The following MYH1 variants were observed in gnomAD, a reference collection of about 807,000 sequenced individuals.
MYH1 encodes the protein myosin-1.
In MYH1, 214 loss-of-function variants were observed where a neutral mutation model predicts 225.6. That is an observed-to-expected ratio of 0.95 (90% CI 0.85 to 1.06). The LOEUF is 1.06. Among genes scored for constraint, MYH1 ranks in the 50% least tolerant of loss-of-function variants. The pLI is 0.00. For missense variants in MYH1, 2,098 were observed against 2,344.2 expected (o/e 0.89, Z 2.17); for synonymous variants, 774 against 842.3 (o/e 0.92, Z 1.40).
Position 10,506,062 on chromosome 17 carries a change from G to A in MYH1, c.2006C>T (p.Thr669Ile). 1.2e-6 allele frequency: 2 copies of A among 1,614,220 alleles called. No individual in the cohort carries two copies. The highest frequency in any genetic ancestry group is 1.7e-6 in the Non-Finnish European group (2 of 1,180,034). The change falls in exon 18 of 40, where the codon ACT becomes ATT. Residue 669 changes from threonine to isoleucine, a missense_variant. Thr to Ile is a moderately conservative substitution (Grantham distance 89, BLOSUM62 -1). Transcript: ENST00000226207. ...LNKLMTNLRS[T>I]HPHFVRCIIP... ...GATGCACCGCACAAAGTGGGGGTGAGTGCTCCTCAAGTTGGTCATCAGCTT... is the reference window on the plus strand; with the variant it reads ...GATGCACCGCACAAAGTGGGGGTGAATGCTCCTCAAGTTGGTCATCAGCTT...
At chr17:10,512,574 T>A in intron 11 of MYH1, 28 bp from the exon 12 acceptor site, 2 of 1,613,942 alleles carry the variant, frequency 1.2e-6, no homozygotes, top group Middle Eastern at 1.7e-4. Context: ...AAGACAAAGA[T>A]TAGGGCACAA....
chr17:10,505,179 T>G lies in MYH1; in HGVS notation c.2419A>C (p.Lys807Gln), dbSNP rs1397921490. ...RGFLARVEYQ[K>Q]MVERRESIFC... The stretch of plus-strand genomic sequence containing the variant: ...TATTAATACCTTCTTTCCACCATTT[T>G]CTGGTACTCCACTCTTGCCAAGAAC... The change falls in exon 21 of 40, where the codon AAA becomes CAA. Residue 807 changes from lysine (K) to glutamine (Q), a missense_variant. Coordinates refer to ENST00000226207, the MANE Select transcript of MYH1 (RefSeq NM_005963.4). The G allele has an allele frequency of 6.2e-7, 1 of 1,614,086 alleles. No individual in the cohort carries two copies. Among genetic ancestry groups the G allele is most frequent in the Non-Finnish European group, 8.5e-7 (1 of 1,180,046 alleles).
chr17:10,493,909 AC>A (rs1372270473), intron 39 of MYH1, among the ~76,000 whole-genome samples: 1 of 152,202 alleles, frequency 6.6e-6, no homozygotes, highest in Non-Finnish European at 1.5e-5. Context: ...GTCTCTCTGC[AC>A]CCACTTGTGT....
At chr17:10,497,627 A>T in intron 31 of MYH1, 107 bp downstream of exon 31, 1 of 1,521,992 alleles carries the variant, frequency 6.6e-7, no homozygotes, top group Non-Finnish European at 9.0e-7. Context: ...CTGATGGGTT[A>T]AGAGCTACTG....
rs766967916 is a variant in MYH1 at position 10,508,531 on chromosome 17, C to G, written c.1729G>C (p.Glu577Gln). The change falls in exon 16 of 40, where the codon GAG (glutamate) becomes CAG (glutamine). Residue 577 changes from glutamate (E) to glutamine (Q), a missense_variant. By Grantham distance (29) the Glu-to-Gln change is conservative (BLOSUM62 2). Transcript: ENST00000226207. ...QKPKPAKGKP[E>Q]AHFSLIHYAG... ...TAGTGAATCAAAGAGAAGTGGGCCT[C>G]AGGCTTGCCTTTGGCAGGCTTGGGC... is the stretch of plus-strand genomic sequence containing the variant. The G allele has an allele frequency of 1.2e-6, 2 of 1,613,990 alleles. No individual in the cohort carries two copies. Among genetic ancestry groups the G allele is most frequent in the Non-Finnish European group, 1.7e-6 (2 of 1,180,030 alleles).
At chr17:10,510,161 A>AAAGTTGTTTGGTTTTT (rs2073157339) in intron 14 of MYH1, among the ~76,000 whole-genome samples, 1 of 152,072 alleles carries the variant, frequency 6.6e-6, no homozygotes, top group Non-Finnish European at 1.5e-5. Flanking sequence ...TTTTTTTTTA[A>AAAGTTGTTTGGTTTTT]AAGTTGTTTG....
rs1408537576 is a variant in MYH1 at position 10,503,157 on chromosome 17, TCA to T, written c.2781_2782del (p.Arg929SerfsTer2). 6.8e-6 allele frequency: 11 copies of T among 1,613,808 alleles called. No homozygotes were observed. Among genetic ancestry groups the T allele is most frequent in the Non-Finnish European group, 8.5e-6 (10 of 1,179,856 alleles). On this transcript the variant is annotated frameshift_variant, in exon 23 of 40. Transcript: ENST00000226207. LOFTEE classifies it high-confidence loss of function. ...GATCTCTTCCTCATCCTCAGCTCTC[TCA>T]GTCACCTCTTTGATTTTGGCTTCTA...
rs199687917 is a variant in MYH1, at chr17:10,511,909, T to A, written c.1346A>T (p.Gln449Leu). 5 of 1,614,222 alleles carry A rather than the reference T, an allele frequency of 3.1e-6. No individual in the cohort carries two copies. Among genetic ancestry groups the A allele is most frequent in the Non-Finnish European group, 3.4e-6 (4 of 1,180,034 alleles). The change falls in exon 14 of 40, where the codon CAG becomes CTG. Residue 449 changes from glutamine (Q) to leucine (L), a missense_variant. By Grantham distance (113) the Gln-to-Leu change is moderately radical. Coordinates refer to ENST00000226207, the MANE Select transcript of MYH1 (RefSeq NM_005963.4). ...FLWMVTRINQ[Q>L]LDTKQPRQYF... is the part of the protein sequence containing the mutation. ...CTGCCTGGGCTGCTTGGTGTCCAGC[T>A]GCTGGTTGATGCGGGTGACCATCCA... is the stretch of plus-strand genomic sequence containing the variant.
intron 16 of MYH1, 71 bp from the exon 17 acceptor site, chr17:10,508,027 T>TG (rs1233293236): frequency 3.7e-6 from 5 of 1,369,294 alleles, no homozygotes; most frequent in Admixed American, 2.0e-5. Context: ...TGTTTTTTTT[T>TG]GTTTTTTTTG....
intron 5 of MYH1, among the ~76,000 whole-genome samples, chr17:10,515,649 AAAAT>A (rs1245344697): frequency 6.6e-6 from 1 of 152,188 alleles, no homozygotes; most frequent in Non-Finnish European, 1.5e-5. Context: ...TTAAATATAT[AAAAT>A]AAATTGTGTG....
At position 10,511,836 on chromosome 17, in the gene MYH1, C is replaced by A; in HGVS notation, c.1416+3G>T. On this transcript the variant is annotated splice_donor_region_variant and intron_variant, in intron 14 of 39. Transcript: ENST00000226207. ...TTTTGGTACAATTTTTCTGCTAACT[C>A]ACATCAAAGATCTCAAAGCCAGCAA... The A allele has an allele frequency of 6.2e-7, 1 of 1,614,108 alleles. No individual in the cohort carries two copies.
chr17:10,496,096 G>T lies in MYH1; in HGVS notation c.5023C>A (p.Leu1675Met). The change falls in exon 35 of 40, where the codon CTG becomes ATG. Residue 1675 changes from leucine (L) to methionine (M), a missense_variant. Physicochemically the swap from Leu to Met is conservative, Grantham distance 15. Transcript: ENST00000226207. ...TTGGCTCTGCGCTCCACCATAGCCA[G>T]CTGTTCCTTCAGGTCCTCCTGGCTC... ...LRSQEDLKEQ[L>M]AMVERRANLL... 13 of 1,614,150 alleles carry T rather than the reference G, an allele frequency of 8.1e-6. No individual in the cohort carries two copies. The highest frequency in any genetic ancestry group is 1.1e-5 in the Non-Finnish European group (13 of 1,180,028).
intron 5 of MYH1, 76 bp downstream of exon 5, chr17:10,515,849 AG>A: frequency 6.2e-7 from 1 of 1,607,028 alleles, no homozygotes; most frequent in Non-Finnish European, 8.5e-7. Flanking sequence ...TTTTTTCTAA[AG>A]GTCTTTTTTT....
rs974139048 is a variant in MYH1 at position 10,515,918 on chromosome 17, C to A, written c.505+8G>T. 3.2e-5 allele frequency: 52 copies of A among 1,613,906 alleles called. No homozygotes were observed. The highest frequency in any genetic ancestry group is 4.3e-5 in the Non-Finnish European group (51 of 1,179,994). The stretch of plus-strand genomic sequence containing the variant: ...ATAATTCATATGAAAACCAGCTGAG[C>A]CACTCACCAGTCAGCATGAACTGAT... On this transcript the variant is annotated splice_region_variant and intron_variant, in intron 5 of 39. Transcript: ENST00000226207.
chr17:10,504,892 G>A lies in MYH1; in HGVS notation c.2609C>T (p.Thr870Ile). 6.2e-7 allele frequency: 1 copy of A among 1,614,012 alleles called. No homozygotes were observed. The highest frequency in any genetic ancestry group is 1.3e-5 in the African/African-American group (1 of 74,998). The change falls in exon 22 of 40, where the codon ACC becomes ATC. Residue 870 changes from threonine to isoleucine, a missense_variant. Thr to Ile is a moderately conservative substitution (Grantham distance 89, BLOSUM62 -1). Coordinates refer to ENST00000226207, the MANE Select transcript of MYH1 (RefSeq NM_005963.4). ...TTCCAGCTCTTTCCTTTTTGCCTCG[G>A]TCTTAGCCAGCTCTTCTTTGGTTTT... ...FEKTKEELAK[T>I]EAKRKELEEK...
chr17:10,513,742 G>A, intron 8 of MYH1, 53 bp from the exon 9 acceptor site: 1 of 1,612,160 alleles, frequency 6.2e-7, no homozygotes. Flanking sequence ...ACGTAGTGGG[G>A]ATGCCACTGA....
At chr17:10,512,837 C>A in intron 10 of MYH1, 30 bp downstream of exon 10, 2 of 1,606,634 alleles carry the variant, frequency 1.2e-6, no homozygotes, top group Non-Finnish European at 8.5e-7. Context: ...AGTACAGTGA[C>A]AATCTTCTAG....
At chr17:10,504,305 T>C (rs1393325908) in intron 22 of MYH1, among the ~76,000 whole-genome samples, 1 of 152,240 alleles carries the variant, frequency 6.6e-6, no homozygotes, top group Non-Finnish European at 1.5e-5. Context: ...ATTGCCATTA[T>C]CCTTACAGAA....
At chr17:10,516,996 A>T (rs1166867976) in intron 2 of MYH1, among the ~76,000 whole-genome samples, 1 of 152,216 alleles carries the variant, frequency 6.6e-6, no homozygotes, top group Non-Finnish European at 1.5e-5. Flanking sequence ...TATAGAGAAC[A>T]TAAAGCTATA....
Sources: gnomAD v4.1 joint callset for allele counts (sites outside exome capture counted in the v4.1 genomes callset) on GRCh38, gnomAD v4.1.1 for gene constraint, MANE v1.5 for transcripts, NCBI Gene and HGNC (gene_info 2026-07-23, HGNC 2026-07-21) for gene names.